Variants in CELF2 observed in about 807,000 individuals in gnomAD.
CELF2 encodes CUG triplet repeat RNA-binding protein 2.
In CELF2, 8 loss-of-function variants were observed where a neutral mutation model predicts 62.6. The observed-to-expected ratio is 0.13, with a 90% CI of 0.07 to 0.23. CELF2 has a LOEUF of 0.23. Among genes scored for constraint, CELF2 ranks in the 10% least tolerant of loss-of-function variants. The pLI, the probability that CELF2 is intolerant of heterozygous loss-of-function variation, is 1.00. For synonymous variants in CELF2, 258 were observed against 250.0 expected (o/e 1.03, Z -0.30); for missense variants, 333 against 671.0 (o/e 0.50, Z 5.56).
chr10:10,714,954 T>C, the CELF2 span, among the ~76,000 whole-genome samples: 1 of 152,276 alleles, frequency 6.6e-6, no homozygotes, highest in East Asian at 1.9e-4. Context: ...CAAAGATTCA[T>C]CGCAGGGTGA....
chr10:10,886,573 A>G (rs1015066926), intron 1 of CELF2, among the ~76,000 whole-genome samples: 1 of 152,220 alleles, frequency 6.6e-6, no homozygotes, highest in Non-Finnish European at 1.5e-5. Context: ...CATGGGACTC[A>G]TGCCTGTAAT....
At chr10:10,506,811 C>T in the CELF2 span, among the ~76,000 whole-genome samples, 438 of 149,996 alleles carry the variant, frequency 2.9e-3, 2 homozygotes, top group African/African-American at 9.4e-3. Flanking sequence ...ATTACAGGCA[C>T]GTACCACCAC....
intron 1 of CELF2, among the ~76,000 whole-genome samples, chr10:11,151,104 T>C (rs1016534541): frequency 2.6e-4 from 40 of 152,250 alleles, no homozygotes; most frequent in African/African-American, 9.6e-4. Flanking sequence ...GTTTGTAGTC[T>C]GTTTCCATGA....
At chr10:11,083,919 C>T (rs1452136248) in intron 1 of CELF2, among the ~76,000 whole-genome samples, 1 of 152,152 alleles carries the variant, frequency 6.6e-6, no homozygotes, top group South Asian at 2.1e-4. Flanking sequence ...CTGTGCTTCC[C>T]GTTGCCAGTC....
At position 11,174,224 on chromosome 10, in the gene CELF2, A is replaced by C. The variant is rs886239578; in HGVS notation, c.271+8542A>C. ...TGTGAGCTGGTGGATTATGCTGTAC[A>C]GGAATTTGTCAAAGCCTGAATCACA... On this transcript the variant is annotated intron_variant, in intron 2 of 12. Coordinates refer to ENST00000633077, the MANE Select transcript of CELF2 (RefSeq NM_001326342.2). Among the ~76,000 whole-genome samples, 10 of 152,124 alleles carry C rather than the reference A, an allele frequency of 6.6e-5. No individual in the cohort carries two copies. In the South Asian group the frequency reaches 1.4e-3, roughly 22 times the overall value.
At chr10:10,915,446 C>T (rs1032622778) in intron 1 of CELF2, among the ~76,000 whole-genome samples, 1 of 152,144 alleles carries the variant, frequency 6.6e-6, no homozygotes, top group African/African-American at 2.4e-5. Flanking sequence ...TGCTCTGTCA[C>T]CCAGGCTGGA....
At chr10:10,509,981 G>A in the CELF2 span, among the ~76,000 whole-genome samples, 3 of 152,160 alleles carry the variant, frequency 2.0e-5, no homozygotes. Context: ...TACAACCAAG[G>A]CCCAGCACCT....
the CELF2 span, among the ~76,000 whole-genome samples, chr10:10,481,230 G>C: frequency 6.6e-6 from 1 of 152,130 alleles, no homozygotes; most frequent in East Asian, 1.9e-4. Flanking sequence ...TCATATTAAA[G>C]TGCTTTCTGT....
chr10:10,722,032 G>T, the CELF2 span, among the ~76,000 whole-genome samples: 1 of 152,190 alleles, frequency 6.6e-6, no homozygotes, highest in Non-Finnish European at 1.5e-5. Context: ...GCCAGGCATG[G>T]TGGCTCATGC....
At chr10:11,028,348 T>C (rs895934698) in intron 1 of CELF2, among the ~76,000 whole-genome samples, 5 of 152,274 alleles carry the variant, frequency 3.3e-5, no homozygotes, top group African/African-American at 1.2e-4. Flanking sequence ...AGGCTGGTTC[T>C]GACATAATGG....
rs1163219908 is a variant in CELF2, at chr10:11,333,937, C to T, written c.*4884C>T. On this transcript the variant is annotated 3_prime_UTR_variant, in exon 13 of 13. Coordinates refer to ENST00000633077, the MANE Select transcript of CELF2 (RefSeq NM_001326342.2). ...GTGGCTTGCTCTGGTGGGCCCCTGA[C>T]AATGACTGATTTCAAGTTTGATTTC... 6.6e-6 allele frequency: 1 copy of T among 151,782 alleles called. No homozygotes were observed. Among genetic ancestry groups the T allele is most frequent in the Non-Finnish European group, 1.5e-5 (1 of 67,964 alleles). 9.4% of individuals were successfully genotyped at this position (151,782 alleles called of 1,614,324 possible).
chr10:11,129,590 C>T (rs1406382713), intron 1 of CELF2, among the ~76,000 whole-genome samples: 2 of 152,110 alleles, frequency 1.3e-5, no homozygotes, highest in Admixed American at 1.3e-4. Flanking sequence ...TCAACTTCTT[C>T]CTGGTTTAGT....
the CELF2 span, among the ~76,000 whole-genome samples, chr10:10,593,401 T>A: frequency 3.3e-5 from 5 of 152,326 alleles, no homozygotes; most frequent in South Asian, 8.3e-4. Flanking sequence ...AAGTTCACCT[T>A]GGATTCTTCA....
At chr10:10,807,812 T>G (rs1374458023) in intron 1 of CELF2, among the ~76,000 whole-genome samples, 2 of 152,216 alleles carry the variant, frequency 1.3e-5, no homozygotes, top group Non-Finnish European at 2.9e-5. Flanking sequence ...CTGCTTGATC[T>G]TGAGTTAGCA....
chr10:10,540,923 G>A, the CELF2 span, among the ~76,000 whole-genome samples: 1 of 152,086 alleles, frequency 6.6e-6, no homozygotes, highest in African/African-American at 2.4e-5. Flanking sequence ...AGTGGCTCAT[G>A]CCTGTAATCC....
At chr10:10,553,954 G>A in the CELF2 span, among the ~76,000 whole-genome samples, 5 of 152,194 alleles carry the variant, frequency 3.3e-5, no homozygotes, top group Non-Finnish European at 5.9e-5. Flanking sequence ...GTATAATCAA[G>A]TGCAGCATGA....
At chr10:10,641,098 C>G in the CELF2 span, among the ~76,000 whole-genome samples, 417 of 152,290 alleles carry the variant, frequency 2.7e-3, 3 homozygotes, top group African/African-American at 9.6e-3. Flanking sequence ...ACTGACCGTT[C>G]TGGATAACTA....
the CELF2 span, among the ~76,000 whole-genome samples, chr10:10,752,705 A>AAT: frequency 1.4e-5 from 2 of 144,414 alleles, no homozygotes; most frequent in South Asian, 4.4e-4. Flanking sequence ...AAAAAAAAAA[A>AAT]AAGAAAGAAA....
rs1040742358 is a variant in CELF2, at chr10:11,270,616, T to C, written c.619-50T>C. ...TCCGGTGCTGAGTGTCGTGAGCGGA[T>C]TCCGCCAGCCTGTAACCCCCTCTCC... On this transcript the variant is annotated intron_variant, in intron 6 of 12. Coordinates refer to ENST00000633077, the MANE Select transcript of CELF2 (RefSeq NM_001326342.2). The surrounding 1 kb of genome is among the most constrained non-coding windows in gnomAD (Gnocchi z 5.8). 3 of 1,367,018 alleles carry C rather than the reference T, an allele frequency of 2.2e-6. No individual in the cohort carries two copies. The African/African-American group carries it at 4.5e-5, about 20-fold the overall frequency. 84.7% of individuals were successfully genotyped at this position (1,367,018 alleles called of 1,614,324 possible).
Sources: gnomAD v4.1 joint callset for allele counts (sites outside exome capture counted in the v4.1 genomes callset) on GRCh38, gnomAD v4.1.1 for gene constraint, Gnocchi (gnomAD v3.1) non-coding constraint, MANE v1.5 for transcripts, NCBI Gene and HGNC (gene_info 2026-07-23, HGNC 2026-07-21) for gene names.